RILPL1: variants seen among roughly 807,000 people sequenced by gnomAD.
RILPL1 encodes the protein RILP-like protein 1.
A neutral mutation model predicts 50.3 loss-of-function variants in RILPL1; 33 were observed. That is an observed-to-expected ratio of 0.66 (90% confidence interval 0.50 to 0.88). RILPL1 has a LOEUF of 0.88. Among genes scored for constraint, RILPL1 ranks in the 40% least tolerant of loss-of-function variants. The pLI is 0.00. For synonymous variants in RILPL1, 205 were observed against 228.6 expected, an observed-to-expected ratio of 0.90 and a Z score of 0.93; for missense variants, 418 against 542.5, an observed-to-expected ratio of 0.77 and a Z score of 2.28.
At chr12:123,517,882 G>A (rs1485110385) in intron 2 of RILPL1, among the ~76,000 whole-genome samples, 1 of 152,176 alleles carries the variant, frequency 6.6e-6, no homozygotes, top group Non-Finnish European at 1.5e-5. Flanking sequence ...ACAATGGAAT[G>A]TACTCAGCCT....
chr12:123,484,954 C>T (rs1264357511), intron 5 of RILPL1: 5 of 328,112 alleles, frequency 1.5e-5, no homozygotes, highest in Admixed American at 7.2e-5. Flanking sequence ...CCACCGCGCC[C>T]GGCCTCTCCC....
intron 1 of RILPL1, among the ~76,000 whole-genome samples, chr12:123,525,692 C>T (rs1445271583): frequency 1.1e-5 from 1 of 87,434 alleles, no homozygotes; most frequent in East Asian, 2.7e-4. Flanking sequence ...CAGAGTGAGA[C>T]ACTGTCTCAA....
intron 2 of RILPL1, among the ~76,000 whole-genome samples, chr12:123,509,414 T>G (rs1883949894): frequency 6.6e-6 from 1 of 151,664 alleles, no homozygotes; most frequent in Non-Finnish European, 1.5e-5. Flanking sequence ...AAATACAAAA[T>G]TAGCCAGGCA....
At chr12:123,520,644 A>AG (rs761794547) in intron 2 of RILPL1, among the ~76,000 whole-genome samples, 4 of 152,234 alleles carry the variant, frequency 2.6e-5, no homozygotes, top group African/African-American at 4.8e-5. Context: ...GGGGTCCTCC[A>AG]GGCCCAGGCT....
chr12:123,512,963 T>G, intron 2 of RILPL1, among the ~76,000 whole-genome samples: 1 of 136,542 alleles, frequency 7.3e-6, no homozygotes, highest in African/African-American at 2.8e-5. Flanking sequence ...CGTGTGTGTG[T>G]GGTGTGTGTG....
At chr12:123,531,786 G>A (rs1334353695) in intron 1 of RILPL1, among the ~76,000 whole-genome samples, 1 of 152,188 alleles carries the variant, frequency 6.6e-6, no homozygotes, top group Admixed American at 6.5e-5. Context: ...GATGCTGGGT[G>A]ATTTGCCCAA....
At position 123,470,519 on chromosome 12, in the gene RILPL1, T is replaced by TAATCCC. The variant is rs902079798; in HGVS notation, c.*2013_*2018dup. ...GGCCAGCCACAGTGGCTCACACCTGTAATCCCAGCACTTTGAGAGGCCAAG... is the reference window on the plus strand; with the variant it reads ...GGCCAGCCACAGTGGCTCACACCTGTAATCCCAATCCCAGCACTTTGAGAGGCCAAG... On this transcript the variant is annotated 3_prime_UTR_variant, in exon 7 of 7. Coordinates refer to ENST00000376874, the MANE Select transcript of RILPL1 (RefSeq NM_178314.5). 8.7e-5 allele frequency: 13 copies of TAATCCC among 149,684 alleles called. No individual in the cohort carries two copies. Among genetic ancestry groups the TAATCCC allele is most frequent in the African/African-American group, 3.0e-4 (12 of 40,410 alleles). 9.3% of individuals were successfully genotyped at this position (149,684 alleles called of 1,614,324 possible). A position where few individuals can be genotyped will look rare whatever the true frequency, so the allele number is the denominator to read the frequency against.
At position 123,498,181 on chromosome 12, in the gene RILPL1, C is replaced by T. The variant is rs970641210; in HGVS notation, c.801+363G>A. On this transcript the variant is annotated intron_variant, in intron 4 of 6. Transcript: ENST00000376874. The surrounding 1 kb of genome is among the most constrained non-coding windows in gnomAD (Gnocchi z 4.3). ...CAGCTGTGTGTCCTCAGGCCAGTAG[C>T]TTGTTCTCTCTGAGCCTCTCGTTTT... Among the ~76,000 whole-genome samples the T allele has an allele frequency of 1.3e-5, 2 of 152,118 alleles. No individual in the cohort carries two copies. Among genetic ancestry groups the T allele is most frequent in the East Asian group, 1.9e-4 (1 of 5,164 alleles).
chr12:123,506,584 G>A (rs1883766097), intron 2 of RILPL1, among the ~76,000 whole-genome samples: 2 of 152,284 alleles, frequency 1.3e-5, no homozygotes, highest in African/African-American at 4.8e-5. Context: ...TGTGGACAGG[G>A]CACCAAGGCA....
rs759359669 is a variant in RILPL1 at position 123,498,989 on chromosome 12, A to AT, written c.580-225dup. Among the ~76,000 whole-genome samples the AT allele has an allele frequency of 2.0e-5, 3 of 152,322 alleles. No homozygotes were observed. The highest frequency in any genetic ancestry group is 4.4e-5 in the Non-Finnish European group (3 of 68,028). On this transcript the variant is annotated intron_variant, in intron 3 of 6. Coordinates refer to ENST00000376874, the MANE Select transcript of RILPL1 (RefSeq NM_178314.5). This position sits in a 1 kb window ranked among gnomAD's most constrained non-coding sequence, Gnocchi z 4.3. ...AAGGGTGTCTTGCTAGAATTAATAC[A>AT]TTATGAAAATTTCCCAACAAATGGA...
At chr12:123,514,955 G>T (rs920455979) in intron 2 of RILPL1, among the ~76,000 whole-genome samples, 1 of 151,412 alleles carries the variant, frequency 6.6e-6, no homozygotes, top group Non-Finnish European at 1.5e-5. Flanking sequence ...TTAAGAGACA[G>T]GGTCTTGCTC....
At position 123,489,422 on chromosome 12, in the gene RILPL1, T is replaced by C. The variant is rs1214347745; in HGVS notation, c.802-3617A>G. 2.6e-5 allele frequency among the ~76,000 whole-genome samples: 4 copies of C among 151,994 alleles called. No homozygotes were observed. In the South Asian group the frequency reaches 6.2e-4, roughly 24 times the overall value. ...GCTCACGCCTGTAATCTCAGCACTT[T>C]GGGAAGCTGAGGTGGGTGGATCACG... On this transcript the variant is annotated intron_variant, in intron 4 of 6. Coordinates refer to ENST00000376874, the MANE Select transcript of RILPL1 (RefSeq NM_178314.5). This position sits in a 1 kb window ranked among gnomAD's most constrained non-coding sequence, Gnocchi z 4.0.
At chr12:123,501,865 C>G (rs911446589) in intron 2 of RILPL1, among the ~76,000 whole-genome samples, 1 of 151,634 alleles carries the variant, frequency 6.6e-6, no homozygotes, top group African/African-American at 2.4e-5. Context: ...TCACCTAGGT[C>G]GGGAGCTCGA....
chr12:123,483,348 C>T (rs1882122992), intron 6 of RILPL1, among the ~76,000 whole-genome samples: 1 of 152,188 alleles, frequency 6.6e-6, no homozygotes. Context: ...GCCTCTGTTT[C>T]CTTAACTATA....
At chr12:123,510,797 ATGTG>A (rs533049350) in intron 2 of RILPL1, among the ~76,000 whole-genome samples, 1 of 66,054 alleles carries the variant, frequency 1.5e-5, no homozygotes, top group African/African-American at 6.1e-5. Flanking sequence ...TATGTGTGTG[ATGTG>A]TGTGTGTAGT....
intron 4 of RILPL1, among the ~76,000 whole-genome samples, chr12:123,495,438 G>A (rs1230613053): frequency 2.0e-5 from 3 of 149,910 alleles, no homozygotes; most frequent in Admixed American, 1.3e-4. Context: ...GCAGTGGTGC[G>A]ATCTCGGCTC....
chr12:123,505,043 T>TA (rs71088920), intron 2 of RILPL1, among the ~76,000 whole-genome samples: 69,378 of 152,012 alleles, frequency 0.46, 17,547 homozygotes, highest in African/African-American at 0.65. Context: ...TTTTTTGTTT[T>TA]TTTTTTTATT....
intron 6 of RILPL1, chr12:123,475,837 G>T: frequency 1.3e-6 from 1 of 783,426 alleles, no homozygotes; most frequent in Non-Finnish European, 2.2e-6. Context: ...CAGTGGAAGG[G>T]TTTGATTAGG....
chr12:123,477,944 G>A (rs2139307638), intron 6 of RILPL1, among the ~76,000 whole-genome samples: 1 of 150,646 alleles, frequency 6.6e-6, no homozygotes, highest in African/African-American at 2.4e-5. Flanking sequence ...TCGGGGGCCT[G>A]GGACACCTGG....
Sources: gnomAD v4.1 joint callset for allele counts (sites outside exome capture counted in the v4.1 genomes callset) on GRCh38, gnomAD v4.1.1 for gene constraint, Gnocchi (gnomAD v3.1) non-coding constraint, MANE v1.5 for transcripts, NCBI Gene and HGNC (gene_info 2026-07-23, HGNC 2026-07-21) for gene names.